The following FRMD4B variants were observed in gnomAD, a reference collection of about 807,000 sequenced individuals.
The protein encoded by FRMD4B is FERM domain containing 4B.
A neutral mutation model predicts 141.5 loss-of-function variants in FRMD4B; 74 were observed. The observed-to-expected ratio is 0.52, with a 90% CI of 0.43 to 0.63. FRMD4B has a LOEUF of 0.63. Ranked by LOEUF, FRMD4B falls within the 30% of genes least tolerant of loss-of-function variation. The pLI is 0.00. For missense variants in FRMD4B, 1,366 were observed against 1,253.4 expected (o/e 1.09, Z -1.36); for synonymous variants, 506 against 467.9 (o/e 1.08, Z -1.05).
chr3:69,375,497 C>T (rs146523288), intron 1 of FRMD4B, among the ~76,000 whole-genome samples: 3 of 151,712 alleles, frequency 2.0e-5, no homozygotes, highest in Non-Finnish European at 4.4e-5. Flanking sequence ...AAAAATAGAG[C>T]TTTAGAGAAC....
At chr3:69,474,604 C>A (rs1425408460) in intron 1 of FRMD4B, among the ~76,000 whole-genome samples, 1 of 152,188 alleles carries the variant, frequency 6.6e-6, no homozygotes, top group Non-Finnish European at 1.5e-5. Context: ...ATTATTACAA[C>A]AGCAAATGTT....
At chr3:69,457,296 A>T (rs1374357432) in intron 1 of FRMD4B, among the ~76,000 whole-genome samples, 1 of 152,224 alleles carries the variant, frequency 6.6e-6, no homozygotes, top group Non-Finnish European at 1.5e-5. Context: ...AAAGGTTAGC[A>T]TGGCTGTATC....
intron 1 of FRMD4B, among the ~76,000 whole-genome samples, chr3:69,375,824 C>T (rs1703958677): frequency 6.6e-6 from 1 of 152,132 alleles, no homozygotes; most frequent in South Asian, 2.1e-4. Context: ...AAAGGCACAA[C>T]ATCTAATAAA....
At chr3:69,431,969 A>T (rs563243134) in intron 2 of FRMD4B, among the ~76,000 whole-genome samples, 28 of 152,216 alleles carry the variant, frequency 1.8e-4, no homozygotes, top group Non-Finnish European at 3.4e-4. Flanking sequence ...TTGAGATCTC[A>T]TCTGGTTGTG....
intron 3 of FRMD4B, among the ~76,000 whole-genome samples, chr3:69,304,723 A>G (rs958011130): frequency 6.6e-6 from 1 of 152,098 alleles, no homozygotes; most frequent in Non-Finnish European, 1.5e-5. Context: ...CAACTAGTCC[A>G]TCCATTTTAG....
intron 1 of FRMD4B, among the ~76,000 whole-genome samples, chr3:69,448,174 C>T (rs545911299): frequency 2.2e-3 from 333 of 152,068 alleles, no homozygotes; most frequent in Non-Finnish European, 3.0e-3. Context: ...GGATTACAGG[C>T]GTGTGCCACC....
intron 5 of FRMD4B, among the ~76,000 whole-genome samples, chr3:69,283,991 CA>C (rs2093656109): frequency 7.0e-6 from 1 of 142,342 alleles, no homozygotes; most frequent in African/African-American, 2.6e-5. Context: ...AAACAAAAAA[CA>C]GACAAAATAT....
At chr3:69,408,657 GT>G (rs2106773037) in intron 2 of FRMD4B, among the ~76,000 whole-genome samples, 1 of 152,226 alleles carries the variant, frequency 6.6e-6, no homozygotes, top group South Asian at 2.1e-4. Context: ...GCAGGGCTTG[GT>G]AGGGGGAGTG....
intron 22 of FRMD4B, among the ~76,000 whole-genome samples, chr3:69,172,250 T>TA (rs1430692564): frequency 1.3e-5 from 2 of 152,262 alleles, no homozygotes; most frequent in Admixed American, 1.3e-4. Flanking sequence ...ACCCAGACTG[T>TA]ATTAAGTTAC....
At chr3:69,370,348 C>G (rs964553) in intron 1 of FRMD4B, among the ~76,000 whole-genome samples, 26,473 of 152,164 alleles carry the variant, frequency 0.17, 2,560 homozygotes, top group African/African-American at 0.24. Flanking sequence ...TCGCTTGACA[C>G]TCAGGGCTGA....
intron 7 of FRMD4B, among the ~76,000 whole-genome samples, chr3:69,246,623 T>C (rs1055799373): frequency 6.6e-6 from 1 of 152,184 alleles, no homozygotes; most frequent in East Asian, 1.9e-4. Flanking sequence ...TGCAAAGCCA[T>C]TGTTTTGATT....
intron 1 of FRMD4B, among the ~76,000 whole-genome samples, chr3:69,343,201 G>A (rs1553726835): frequency 6.6e-6 from 1 of 151,960 alleles, no homozygotes; most frequent in Non-Finnish European, 1.5e-5. Flanking sequence ...TGATCTTCCT[G>A]TCCCAACCTC....
intron 2 of FRMD4B, among the ~76,000 whole-genome samples, chr3:69,411,590 A>G (rs1040522808): frequency 1.2e-4 from 18 of 152,200 alleles, no homozygotes; most frequent in Admixed American, 1.2e-3. Flanking sequence ...CTGTCTCCCG[A>G]CTTCATAAAA....
At chr3:69,195,169 G>C in intron 15 of FRMD4B, 28 bp from the exon 16 acceptor site, 2 of 1,613,796 alleles carry the variant, frequency 1.2e-6, no homozygotes, top group Non-Finnish European at 1.7e-6. Flanking sequence ...ATCAAGAGCA[G>C]ATAATTGACA....
chr3:69,180,607 C>CA (rs1338609955), intron 21 of FRMD4B, among the ~76,000 whole-genome samples: 1 of 149,460 alleles, frequency 6.7e-6, no homozygotes, highest in South Asian at 2.2e-4. Context: ...AAACAAAAAA[C>CA]AAAAAACAAA....
intron 2 of FRMD4B, among the ~76,000 whole-genome samples, chr3:69,404,355 A>G (rs1392783036): frequency 6.6e-6 from 1 of 152,236 alleles, no homozygotes; most frequent in Non-Finnish European, 1.5e-5. Flanking sequence ...GGATTCTTTC[A>G]TAGTATTACT....
At chr3:69,484,760 C>T (rs912919381) in intron 1 of FRMD4B, among the ~76,000 whole-genome samples, 2 of 152,002 alleles carry the variant, frequency 1.3e-5, no homozygotes, top group Non-Finnish European at 2.9e-5. Context: ...TGCAGCTGGT[C>T]CTCTCATCAT....
At chr3:69,377,000 G>C in intron 1 of FRMD4B, 1 of 152,104 alleles carries the variant, frequency 6.6e-6, no homozygotes, top group East Asian at 1.9e-4. Context: ...CGGAGAGTCC[G>C]TTCTTGATGC....
intron 2 of FRMD4B, among the ~76,000 whole-genome samples, chr3:69,428,977 T>C (rs1160658587): frequency 2.6e-5 from 4 of 152,348 alleles, no homozygotes; most frequent in Middle Eastern, 3.4e-3. Context: ...TTATTTCATA[T>C]AGCATAATGC....
Sources: gnomAD v4.1 joint callset for allele counts (sites outside exome capture counted in the v4.1 genomes callset) on GRCh38, gnomAD v4.1.1 for gene constraint, MANE v1.5 for transcripts, NCBI Gene and HGNC (gene_info 2026-07-23, HGNC 2026-07-21) for gene names.